Variants in RYR1 observed in about 807,000 individuals in gnomAD.
The protein encoded by RYR1 is ryanodine receptor 1, also known as central core disease of muscle.
RYR1 carries 342 observed loss-of-function variants against 583.5 expected under a neutral mutation model. The ratio of observed to expected loss-of-function variants is 0.59; its 90% CI spans 0.54 to 0.64. The LOEUF (loss-of-function observed/expected upper bound fraction) is 0.64. Among genes scored for constraint, RYR1 ranks in the 30% least tolerant of loss-of-function variants. The pLI, the probability that RYR1 is intolerant of heterozygous loss-of-function variation, is 0.00. For missense variants in RYR1, 6,032 were observed against 6,917.2 expected (o/e 0.87, Z 4.54); for synonymous variants, 2,791 against 2,822.5 (o/e 0.99, Z 0.35).
chr19:38,508,482 A>G (rs565635881), intron 58 of RYR1, among the ~76,000 whole-genome samples: 1 of 152,306 alleles, frequency 6.6e-6, no homozygotes, highest in East Asian at 1.9e-4. Flanking sequence ...AAGTGCTGGG[A>G]TTAAAGGCGT....
Position 38,477,883 on chromosome 19 carries a change from G to C in RYR1, c.4454+13G>C, listed in dbSNP as rs1035456616. On this transcript the variant is annotated intron_variant, in intron 30 of 105. Coordinates refer to ENST00000359596, the MANE Select transcript of RYR1 (RefSeq NM_000540.3). The stretch of plus-strand genomic sequence containing the variant: ...ACGTCCACAGCAGGTGCCGGGGCTG[G>C]GGGGAGGTGGGAGGTGCAGGGTGGG... 1.9e-6 allele frequency: 3 copies of C among 1,607,612 alleles called. No individual in the cohort carries two copies. Among genetic ancestry groups the C allele is most frequent in the African/African-American group, 2.7e-5 (2 of 74,722 alleles).
chr19:38,507,915 A>G (rs930335544), intron 58 of RYR1, 88 bp downstream of exon 58: 1 of 790,718 alleles, frequency 1.3e-6, no homozygotes, highest in Admixed American at 1.9e-5. Flanking sequence ...CTGTTCATGC[A>G]CTCAATCCGT....
At chr19:38,523,890 C>G in intron 69 of RYR1, 25 bp from the exon 70 acceptor site, 1 of 1,614,018 alleles carries the variant, frequency 6.2e-7, no homozygotes, top group South Asian at 1.1e-5. Context: ...CCCTTCTTGT[C>G]TCTGTCTGCG....
rs777147998 is a variant in RYR1 at position 38,505,902 on chromosome 19, A to T, written c.8497A>T (p.Lys2833Ter). 6.2e-7 allele frequency: 1 copy of T among 1,613,680 alleles called. No homozygotes were observed. The highest frequency in any genetic ancestry group is 8.5e-7 in the Non-Finnish European group (1 of 1,179,986). The change falls in exon 54 of 106, where the codon AAG becomes TAG. Residue 2833 changes from lysine to a stop codon, truncating the protein, a stop_gained. Coordinates refer to ENST00000359596, the MANE Select transcript of RYR1 (RefSeq NM_000540.3). LOFTEE classifies it high-confidence loss of function. ...IEKAREGEEE[K>*]TEKKKTRKIS... Reference sequence around the variant, plus strand: ...GAAGGCCAGGGAGGGTGAGGAGGAGAAGACGGAAAAGAAAAAAACGCGGAA... The same window carrying T: ...GAAGGCCAGGGAGGGTGAGGAGGAGTAGACGGAAAAGAAAAAAACGCGGAA...
intron 34 of RYR1, among the ~76,000 whole-genome samples, chr19:38,486,885 A>G (rs1462201134): frequency 6.6e-6 from 1 of 152,050 alleles, no homozygotes; most frequent in Non-Finnish European, 1.5e-5. Flanking sequence ...CTTTCCATCA[A>G]CATCTTTCCA....
rs1488570862 is a variant in RYR1 at position 38,455,312 on chromosome 19, A to G, written c.1518A>G (p.Ala506=). 11 of 1,613,956 alleles carry G rather than the reference A, an allele frequency of 6.8e-6. No individual in the cohort carries two copies. The highest frequency in any genetic ancestry group is 8.5e-6 in the Non-Finnish European group (10 of 1,179,998). Residue 506 remains alanine, a synonymous_variant, in exon 14 of 106, where the codon GCA becomes GCG. Transcript: ENST00000359596. The part of the protein sequence containing the change: ...YTTAAHFAEF[A]GEEAAESWKE... ...CTGCTGCCCACTTTGCTGAGTTTGC[A>G]GGGGAGGAGGCAGCCGAGTCCTGGA...
chr19:38,495,549 G>A (rs894504880), intron 39 of RYR1, among the ~76,000 whole-genome samples: 2 of 151,988 alleles, frequency 1.3e-5, no homozygotes, highest in Admixed American at 6.6e-5. Flanking sequence ...GTCTTGCTAT[G>A]TTGCCCAGGC....
At chr19:38,458,421 C>T (rs560333175) in intron 18 of RYR1, 129 bp downstream of exon 18, 3 of 911,262 alleles carry the variant, frequency 3.3e-6, no homozygotes, top group South Asian at 1.5e-5. Flanking sequence ...ACCTTTTAGT[C>T]CTCATTTCCC....
chr19:38,511,379 C>T (rs1165996483), intron 60 of RYR1, among the ~76,000 whole-genome samples, 182 bp from the exon 61 acceptor site: 2 of 152,104 alleles, frequency 1.3e-5, no homozygotes, highest in African/African-American at 2.4e-5. Context: ...CTGTGACATT[C>T]CAGCTTGCCC....
intron 70 of RYR1, among the ~76,000 whole-genome samples, chr19:38,524,162 T>G: frequency 6.9e-6 from 1 of 144,710 alleles, no homozygotes; most frequent in African/African-American, 2.5e-5. Flanking sequence ...CTTCTTTCCT[T>G]TTTTTTTTCT....
rs538284425 is a variant in RYR1 at position 38,560,765 on chromosome 19, A to G, written c.12283-348A>G. On this transcript the variant is annotated intron_variant, in intron 89 of 105. Coordinates refer to ENST00000359596, the MANE Select transcript of RYR1 (RefSeq NM_000540.3). ...AAAAAAAAAAAGAGAAAGAAAAAGA[A>G]AAAAAAGCAAGTTTCAGCTGAGGTG... Among the ~76,000 whole-genome samples, 7 of 150,898 alleles carry G rather than the reference A, an allele frequency of 4.6e-5. No homozygotes were observed. In the South Asian group the frequency reaches 8.4e-4, roughly 18 times the overall value.
rs2145600668 is a variant in RYR1 at position 38,499,719 on chromosome 19, A to G, written c.7112A>G (p.Glu2371Gly). 1 of 1,601,548 alleles carries G rather than the reference A, an allele frequency of 6.2e-7. No individual in the cohort carries two copies. Among genetic ancestry groups the G allele is most frequent in the Non-Finnish European group, 8.5e-7 (1 of 1,179,510 alleles). ...PECFGPALRG[E>G]GGSGLLAAIE... ...TGCTTCGGACCCGCCCTGCGGGGTG[A>G]GGGTGGCTCAGGGCTGCTGGCTGCC... Residue 2371 changes from glutamate (E) to glycine (G), a missense_variant, in exon 44 of 106, where the codon GAG becomes GGG. This residue lies in a region of RYR1 where 2,627 missense variants were observed against 2,961.3 expected (regional missense o/e 0.89). Transcript: ENST00000359596. This position sits in a 1 kb window ranked among gnomAD's most constrained non-coding sequence, Gnocchi z 7.3.
intron 72 of RYR1, chr19:38,527,418 G>T: frequency 1.7e-6 from 1 of 587,404 alleles, no homozygotes; most frequent in Non-Finnish European, 3.0e-6. Flanking sequence ...GCTGAAGCAG[G>T]AGAATCGCTT....
rs1973813479 is a variant in RYR1, at chr19:38,573,388, A to T, written c.14129+81A>T. 5 of 1,546,846 alleles carry T rather than the reference A, an allele frequency of 3.2e-6. No individual in the cohort carries two copies. The East Asian group carries it at 9.5e-5, about 29-fold the overall frequency. On this transcript the variant is annotated intron_variant, in intron 96 of 105. Transcript: ENST00000359596. ...CCAGTCCAGGCCTGGACCCCAAAAA[A>T]CTAGGGTTTCGGTCCGGGCACGGTG...
rs771607037 is a variant in RYR1 at position 38,468,044 on chromosome 19, TCCATCATCCATCCATC to T, written c.3381+234_3381+249del. Among the ~76,000 whole-genome samples, 1,119 of 139,892 alleles carry T rather than the reference TCCATCATCCATCCATC, an allele frequency of 8.0e-3. 12 individuals carry two copies. Among genetic ancestry groups the T allele is most frequent in the Non-Finnish European group, 8.1e-3 (521 of 64,552 alleles). The allele number at this position is 139,892 out of a possible 152,430, so 91.8% of individuals were successfully genotyped here. ...AACAATTCATCCATCCATCCATCCA[TCCATCATCCATCCATC>T]CATCCATCCATCCATCCATCCATCC... On this transcript the variant is annotated intron_variant, in intron 25 of 105. Transcript: ENST00000359596.
Position 38,473,560 on chromosome 19 carries a change from C to T in RYR1, c.3949C>T (p.Pro1317Ser), listed in dbSNP as rs1968546206. 9.4e-6 allele frequency: 15 copies of T among 1,600,842 alleles called. No homozygotes were observed. Among genetic ancestry groups the T allele is most frequent in the Non-Finnish European group, 1.2e-5 (14 of 1,174,598 alleles). Residue 1317 changes from proline to serine, a missense_variant, in exon 28 of 106, where the codon CCC becomes TCC. Around this residue, in one of 11 missense-constraint regions of RYR1, gnomAD observed 2,627 missense variants for 2,961.3 expected, o/e 0.89. Transcript: ENST00000359596. Reference sequence around the variant, plus strand: ...GCTGGCACCTCCTGGCCTGCAGCCCCCCGCCGAGGACGAGGCCCGGGCGGC... The same window carrying T: ...GCTGGCACCTCCTGGCCTGCAGCCCTCCGCCGAGGACGAGGCCCGGGCGGC... ...TPLAPPGLQP[P>S]AEDEARAAEP... is the part of the protein sequence containing the mutation.
Position 38,543,965 on chromosome 19 carries a change from C to A in RYR1, c.12012+90C>A. On this transcript the variant is annotated intron_variant, in intron 87 of 105. Transcript: ENST00000359596. The surrounding 1 kb of genome is among the most constrained non-coding windows in gnomAD (Gnocchi z 4.4). The stretch of plus-strand genomic sequence containing the variant: ...TCTTGCCCCTTTGGTCAGTTTGTCA[C>A]CCGAGTGCTCCCGGCATGTTCCAGA... 2 of 1,230,432 alleles carry A rather than the reference C, an allele frequency of 1.6e-6. No individual in the cohort carries two copies. Among genetic ancestry groups the A allele is most frequent in the Non-Finnish European group, 2.3e-6 (2 of 862,338 alleles). The allele number at this position is 1,230,432 out of a possible 1,614,324, so 76.2% of individuals were successfully genotyped here.
intron 16 of RYR1, among the ~76,000 whole-genome samples, chr19:38,456,120 C>T (rs1387503335): frequency 2.0e-5 from 3 of 147,608 alleles, no homozygotes; most frequent in East Asian, 4.0e-4. Flanking sequence ...TACAGGCACA[C>T]ACCACCACGC....
Position 38,457,628 on chromosome 19 carries a change from C to G in RYR1, c.1923C>G (p.Thr641=), listed in dbSNP as rs116591968. ...AGACAAACCTCATCAACTATGTCACCAGGTCTGGCTCTCAACATCTGACCC... is the reference window on the plus strand; with the variant it reads ...AGACAAACCTCATCAACTATGTCACGAGGTCTGGCTCTCAACATCTGACCC... ...LLQTNLINYV[T]SIRPNIFVGR... Residue 641 remains threonine (T), a splice_region_variant and synonymous_variant, in exon 17 of 106, where the codon ACC becomes ACG. Transcript: ENST00000359596. 1,106 of 1,614,116 alleles carry G rather than the reference C, an allele frequency of 6.9e-4. 5 individuals carry two copies. The African/African-American group carries it at 0.013, about 19-fold the overall frequency.
Sources: gnomAD v4.1 joint callset for allele counts (sites outside exome capture counted in the v4.1 genomes callset) on GRCh38, gnomAD v4.1.1 for gene constraint, gnomAD v4.1.1 regional missense constraint, Gnocchi (gnomAD v3.1) non-coding constraint, MANE v1.5 for transcripts, NCBI Gene and HGNC (gene_info 2026-07-23, HGNC 2026-07-21) for gene names.